Variants in GLB1L3 observed in about 807,000 individuals in gnomAD.
The protein encoded by GLB1L3 is galactosidase beta 1 like 3, also known as beta-galactosidase-1-like protein 3.
In GLB1L3, 89 loss-of-function variants were observed where a neutral mutation model predicts 89.5. That is an observed-to-expected ratio of 0.99 (90% CI 0.84 to 1.19). The LOEUF (loss-of-function observed/expected upper bound fraction) is 1.19, where lower values mean the gene tolerates loss of function less well. Among genes scored for constraint, GLB1L3 ranks in the 50% most tolerant of loss-of-function variants. The probability of loss-of-function intolerance (pLI) is 0.00; values close to 1 mark genes in which losing one functional copy is unlikely to be tolerated. For missense variants in GLB1L3, 812 were observed against 813.3 expected (o/e 1.00, Z 0.02); for synonymous variants, 314 against 312.3 (o/e 1.01, Z -0.06).
intron 3 of GLB1L3, among the ~76,000 whole-genome samples, chr11:134,279,364 C>CTTTTTTTTTTT (rs10577769): frequency 1.7e-4 from 18 of 108,320 alleles, no homozygotes; most frequent in South Asian, 3.4e-4. Context: ...TTTTCTTTTT[C>CTTTTTTTTTTT]TTTTTTTTTT....
intron 9 of GLB1L3, among the ~76,000 whole-genome samples, chr11:134,297,508 A>G (rs866718160): frequency 6.6e-6 from 1 of 150,984 alleles, no homozygotes; most frequent in African/African-American, 2.4e-5. Context: ...ATTCCATTTT[A>G]TCTGTTCTGT....
chr11:134,324,918 CAT>C, the GLB1L3 span, among the ~76,000 whole-genome samples: 1 of 151,698 alleles, frequency 6.6e-6, no homozygotes, highest in African/African-American at 2.4e-5. Context: ...ATTTATAATT[CAT>C]ATGATATAAA....
chr11:134,290,568 T>TC lies in GLB1L3; in HGVS notation c.730-1556dup, dbSNP rs71479600. Among the ~76,000 whole-genome samples the TC allele has an allele frequency of 5.9e-3, 315 of 53,126 alleles. 7 individuals are homozygous for TC. The highest frequency in any genetic ancestry group is 0.027 in the East Asian group (68 of 2,514). The allele number at this position is 53,126 out of a possible 152,430, so 34.9% of individuals were successfully genotyped here. ...AGCCTGGGTGACAGAGTGAGACTCG[T>TC]CCCCCCCCGCCAAAAAAAAAGAAAA... is the stretch of plus-strand genomic sequence containing the variant. On this transcript the variant is annotated intron_variant, in intron 7 of 19. Transcript: ENST00000431683.
chr11:134,308,533 T>C (rs370704077), intron 10 of GLB1L3, among the ~76,000 whole-genome samples: 2,301 of 23,062 alleles, frequency 0.1, 114 homozygotes, highest in Middle Eastern at 0.28. Flanking sequence ...CCACCACCAC[T>C]ACCACCACCA....
Position 134,283,618 on chromosome 11 carries a change from G to A in GLB1L3, c.528-119G>A, listed in dbSNP as rs558008869. ...GATCTTTCCAGGACCCGAGTGCTCC[G>A]GGACCGGGGGTGTGAGGCAGCTGGG... On this transcript the variant is annotated intron_variant, in intron 5 of 19. Transcript: ENST00000431683. 8.5e-5 allele frequency: 51 copies of A among 603,492 alleles called. No individual in the cohort carries two copies. In the Admixed American group the frequency reaches 1.0e-3, roughly 12 times the overall value. 37.4% of individuals were successfully genotyped at this position (603,492 alleles called of 1,614,324 possible). A position where few individuals can be genotyped will look rare whatever the true frequency, so the allele number is the denominator to read the frequency against.
chr11:134,276,752 G>A lies in GLB1L3; in HGVS notation c.12G>A (p.Pro4=), dbSNP rs768069662. The A allele has an allele frequency of 2.1e-5, 30 of 1,449,206 alleles. 1 individual carries two copies. In the South Asian group the frequency reaches 3.9e-4, roughly 19 times the overall value. 89.8% of individuals were successfully genotyped at this position (1,449,206 alleles called of 1,614,324 possible). A position where few individuals can be genotyped will look rare whatever the true frequency, so the allele number is the denominator to read the frequency against. The change falls in exon 1 of 20, where the codon CCG becomes CCA. Residue 4 remains proline (P), a synonymous_variant. Coordinates refer to ENST00000431683, the MANE Select transcript of GLB1L3 (RefSeq NM_001080407.3). MKS[P]PLLSPCLSWK... ...TCGGCCTGGCCGCGATGAAGTCCCC[G>A]CCCCTCCTCAGGTGACGGATCGCCG...
chr11:134,277,921 C>T lies in GLB1L3; in HGVS notation c.362+9C>T, dbSNP rs761929292. On this transcript the variant is annotated intron_variant, in intron 3 of 19. Transcript: ENST00000431683. The stretch of plus-strand genomic sequence containing the variant: ...TTCAATACTGTCACCACGTGAGTGC[C>T]GGCCCCTCACCTCCAGGATCTCGTT... 7 of 1,612,708 alleles carry T rather than the reference C, an allele frequency of 4.3e-6. No homozygotes were observed. The highest frequency in any genetic ancestry group is 3.3e-5 in the Admixed American group (2 of 59,868).
At chr11:134,323,507 G>A (rs967463725), downstream of GLB1L3, among the ~76,000 whole-genome samples, 88 of 152,016 alleles carry the variant, frequency 5.8e-4, no homozygotes, top group African/African-American at 2.0e-3. Flanking sequence ...CCCGGGAGGC[G>A]GAGCTTGCAG....
At position 134,289,359 on chromosome 11, in the gene GLB1L3, T is replaced by C. The variant is rs1265831849; in HGVS notation, c.729+469T>C. Among the ~76,000 whole-genome samples the C allele has an allele frequency of 5.3e-5, 8 of 151,972 alleles. No individual in the cohort carries two copies. In the East Asian group the frequency reaches 1.5e-3, roughly 29 times the overall value. ...GTGGAGGAGGAGGAGTTGGTTTTGC[T>C]GACTCAGGGGTGGCAGAAGAGGTGG... On this transcript the variant is annotated intron_variant, in intron 7 of 19. Coordinates refer to ENST00000431683, the MANE Select transcript of GLB1L3 (RefSeq NM_001080407.3).
At chr11:134,301,042 G>A (rs967047856) in intron 9 of GLB1L3, among the ~76,000 whole-genome samples, 3 of 152,160 alleles carry the variant, frequency 2.0e-5, no homozygotes, top group Non-Finnish European at 2.9e-5. Context: ...CATCCGTCTC[G>A]GCTCCCTTGA....
chr11:134,281,740 G>T (rs962042520), intron 4 of GLB1L3, among the ~76,000 whole-genome samples: 1 of 111,248 alleles, frequency 9.0e-6, no homozygotes, highest in Admixed American at 1.1e-4. Flanking sequence ...GGGGCAGGGC[G>T]GCCCCTCTAG....
At chr11:134,313,867 G>C (rs953490974) in intron 16 of GLB1L3, 74 bp from the exon 17 acceptor site, 2 of 962,122 alleles carry the variant, frequency 2.1e-6, no homozygotes, top group Admixed American at 3.9e-5. Flanking sequence ...AGTCTGCATT[G>C]CTTTGTCCCA....
At chr11:134,303,531 T>G (rs977267190) in intron 9 of GLB1L3, among the ~76,000 whole-genome samples, 1 of 152,196 alleles carries the variant, frequency 6.6e-6, no homozygotes, top group African/African-American at 2.4e-5. Context: ...AAGTCATCCT[T>G]GAAATTTTAA....
At chr11:134,313,532 A>G (rs1942844425) in intron 16 of GLB1L3, 58 bp downstream of exon 16, 1 of 1,314,868 alleles carries the variant, frequency 7.6e-7, no homozygotes. Context: ...CGGGCTATGC[A>G]CTGGAGTCGG....
intron 9 of GLB1L3, among the ~76,000 whole-genome samples, chr11:134,300,060 T>C (rs572872097): frequency 2.6e-5 from 4 of 152,284 alleles, no homozygotes; most frequent in African/African-American, 9.6e-5. Flanking sequence ...GAAGCTGTGT[T>C]ACTTTGTTAG....
At chr11:134,305,736 G>A (rs1942175403) in intron 9 of GLB1L3, among the ~76,000 whole-genome samples, 1 of 152,058 alleles carries the variant, frequency 6.6e-6, no homozygotes, top group Non-Finnish European at 1.5e-5. Flanking sequence ...GTAGTAAAAA[G>A]GCTTATTAAT....
intron 6 of GLB1L3, among the ~76,000 whole-genome samples, chr11:134,285,908 G>GTTT (rs1162065552): frequency 1.2e-4 from 15 of 130,124 alleles, no homozygotes; most frequent in East Asian, 2.2e-4. Flanking sequence ...TGTGAGTTCT[G>GTTT]TTTTTTTTTT....
Position 134,318,991 on chromosome 11 carries a change from G to A in GLB1L3, c.*49G>A, listed in dbSNP as rs761984698. 7.3e-7 allele frequency: 1 copy of A among 1,375,604 alleles called. No individual in the cohort carries two copies. The highest frequency in any genetic ancestry group is 2.3e-5 in the East Asian group (1 of 42,802). 85.2% of individuals were successfully genotyped at this position (1,375,604 alleles called of 1,614,324 possible). On this transcript the variant is annotated 3_prime_UTR_variant, in exon 20 of 20. Transcript: ENST00000431683. ...TTTTTTTGAGATGGAGTCTCACTTT[G>A]TCGCCCAGGCTGGAGTGCAGTGGCA...
rs938236565 is a variant in GLB1L3, at chr11:134,318,563, C to T, written c.1780-68C>T. The stretch of plus-strand genomic sequence containing the variant: ...GTATCTCAATCTTGCTCTCACTCTC[C>T]AAGTGCCTTAGGTTTTACCTTGCTA... On this transcript the variant is annotated intron_variant, in intron 18 of 19. Coordinates refer to ENST00000431683, the MANE Select transcript of GLB1L3 (RefSeq NM_001080407.3). The T allele has an allele frequency of 7.6e-6, 7 of 915,792 alleles. No individual in the cohort carries two copies. In the African/African-American group the frequency reaches 9.7e-5, roughly 13 times the overall value. 56.7% of individuals were successfully genotyped at this position (915,792 alleles called of 1,614,324 possible).
Sources: allele counts gnomAD v4.1 joint callset (sites outside exome capture counted in the v4.1 genomes callset), GRCh38; gene constraint gnomAD v4.1.1; transcripts MANE v1.5; gene names NCBI Gene and HGNC (gene_info 2026-07-23, HGNC 2026-07-21).